Variants in ARHGAP31 observed in about 807,000 individuals in gnomAD.
ARHGAP31 encodes Rho GTPase activating protein 31, also known as rho GTPase-activating protein 31.
A neutral mutation model predicts 113.9 loss-of-function variants in ARHGAP31; 34 were observed. The observed-to-expected ratio is 0.30, with a 90% CI of 0.23 to 0.40. ARHGAP31 has a LOEUF of 0.40. Among genes scored for constraint, ARHGAP31 ranks in the 10% least tolerant of loss-of-function variants. ARHGAP31 has a pLI of 1.00. For missense variants in ARHGAP31, 1,548 were observed against 1,767.1 expected (o/e 0.88, Z 2.22); for synonymous variants, 650 against 684.8 (o/e 0.95, Z 0.79).
chr3:119,396,338 T>A (rs748895546), intron 8 of ARHGAP31, among the ~76,000 whole-genome samples: 2 of 152,220 alleles, frequency 1.3e-5, no homozygotes, highest in Non-Finnish European at 2.9e-5. Flanking sequence ...GATTCTGATA[T>A]GCAGTCAGTG....
At position 119,401,849 on chromosome 3, in the gene ARHGAP31, G is replaced by A; in HGVS notation, c.1097G>A (p.Arg366Gln). ...EGKETKGNFN[R>Q]TVTTGGFFIP... Reference sequence around the variant, plus strand: ...AAAGAAACCAAGGGAAATTTCAATCGAACAGTTACCACCGGTGGATTTTTC... The same window carrying A: ...AAAGAAACCAAGGGAAATTTCAATCAAACAGTTACCACCGGTGGATTTTTC... The change falls in exon 10 of 12, where the codon CGA becomes CAA. Residue 366 changes from arginine to glutamine, a missense_variant. Arg to Gln is a conservative substitution (Grantham distance 43). Transcript: ENST00000264245. The A allele has an allele frequency of 1.2e-6, 2 of 1,613,846 alleles. No homozygotes were observed. Among genetic ancestry groups the A allele is most frequent in the South Asian group, 1.1e-5 (1 of 90,990 alleles).
At chr3:119,315,582 A>C (rs1005404586) in intron 1 of ARHGAP31, among the ~76,000 whole-genome samples, 2 of 152,192 alleles carry the variant, frequency 1.3e-5, no homozygotes, top group African/African-American at 4.8e-5. Context: ...CCACCTCTTA[A>C]GGCCTCGCTA....
chr3:119,299,960 T>C (rs567632666), intron 1 of ARHGAP31, among the ~76,000 whole-genome samples: 2 of 152,242 alleles, frequency 1.3e-5, no homozygotes, highest in Non-Finnish European at 2.9e-5. Context: ...TGGCACATCG[T>C]GGTCACACCT....
chr3:119,309,794 C>T (rs764837237), intron 1 of ARHGAP31, among the ~76,000 whole-genome samples: 10 of 151,982 alleles, frequency 6.6e-5, no homozygotes, highest in Non-Finnish European at 1.2e-4. Context: ...CCACCAGCAC[C>T]ATGGAAAAGT....
intron 1 of ARHGAP31, among the ~76,000 whole-genome samples, chr3:119,333,176 G>A: frequency 6.6e-6 from 1 of 152,084 alleles, no homozygotes; most frequent in East Asian, 1.9e-4. Context: ...CCAGCATTCT[G>A]GGTTGAACCA....
intron 3 of ARHGAP31, among the ~76,000 whole-genome samples, 172 bp from the exon 4 acceptor site, chr3:119,380,732 A>G (rs970263672): frequency 6.6e-6 from 1 of 152,152 alleles, no homozygotes; most frequent in Non-Finnish European, 1.5e-5. Context: ...TCCAGAACCA[A>G]CAGAAACTGT....
At chr3:119,390,577 C>T (rs1478243829) in intron 6 of ARHGAP31, among the ~76,000 whole-genome samples, 2 of 152,202 alleles carry the variant, frequency 1.3e-5, no homozygotes, top group African/African-American at 4.8e-5. Flanking sequence ...TCCTGAAGCC[C>T]CTGTTTGTCC....
chr3:119,310,511 T>TTA (rs367556116), intron 1 of ARHGAP31, among the ~76,000 whole-genome samples: 5 of 152,168 alleles, frequency 3.3e-5, no homozygotes, highest in African/African-American at 1.2e-4. Context: ...CAAGAGAGCA[T>TTA]TACTGCCTGA....
chr3:119,363,868 G>A (rs1187855731), intron 1 of ARHGAP31, among the ~76,000 whole-genome samples: 1 of 152,174 alleles, frequency 6.6e-6, no homozygotes, highest in African/African-American at 2.4e-5. Flanking sequence ...CACTGTGGCA[G>A]CCTCGAGAAG....
At chr3:119,373,277 C>T (rs2080318006) in intron 3 of ARHGAP31, among the ~76,000 whole-genome samples, 1 of 151,682 alleles carries the variant, frequency 6.6e-6, no homozygotes. Flanking sequence ...TATAATACCT[C>T]AATAAACAAG....
chr3:119,344,973 G>A (rs1232126852), intron 1 of ARHGAP31, among the ~76,000 whole-genome samples: 1 of 150,336 alleles, frequency 6.7e-6, no homozygotes, highest in Admixed American at 6.6e-5. Flanking sequence ...TTGCTGGTGG[G>A]ATTTTTTTTT....
At chr3:119,321,800 C>T (rs529070899) in intron 1 of ARHGAP31, among the ~76,000 whole-genome samples, 2 of 152,162 alleles carry the variant, frequency 1.3e-5, no homozygotes, top group Non-Finnish European at 2.9e-5. Flanking sequence ...AGGCCCACAC[C>T]ACCACGCCCA....
chr3:119,359,407 T>C lies in ARHGAP31; in HGVS notation c.101-5909T>C, dbSNP rs145497018. On this transcript the variant is annotated intron_variant, in intron 1 of 11. Transcript: ENST00000264245. ...ACAAGCCAAAGCCTCAACATATTTT[T>C]AAATTTTTTTTCTTAGAAAATTAGA... Among the ~76,000 whole-genome samples, 142 of 152,218 alleles carry C rather than the reference T, an allele frequency of 9.3e-4. 1 individual carries two copies. Among genetic ancestry groups the C allele is most frequent in the Non-Finnish European group, 1.5e-3 (104 of 68,016 alleles).
At chr3:119,383,432 CT>C (rs1399124573) in intron 6 of ARHGAP31, among the ~76,000 whole-genome samples, 5 of 152,124 alleles carry the variant, frequency 3.3e-5, no homozygotes, top group African/African-American at 1.2e-4. Flanking sequence ...TTGCATGTGG[CT>C]TTAGCATGTT....
chr3:119,374,009 T>C (rs1037710580), intron 3 of ARHGAP31, among the ~76,000 whole-genome samples: 1 of 152,232 alleles, frequency 6.6e-6, no homozygotes, highest in African/African-American at 2.4e-5. Context: ...CAGTGAGAGA[T>C]GATTTAAATA....
At chr3:119,412,055 G>A (rs975499651) in intron 11 of ARHGAP31, among the ~76,000 whole-genome samples, 16 of 152,174 alleles carry the variant, frequency 1.1e-4, no homozygotes, top group Admixed American at 7.9e-4. Context: ...TTCGTCCCCC[G>A]GCTGCCTCGC....
intron 7 of ARHGAP31, among the ~76,000 whole-genome samples, chr3:119,392,808 C>T (rs566535304): frequency 3.3e-5 from 5 of 152,252 alleles, no homozygotes; most frequent in African/African-American, 7.2e-5. Context: ...TTTTCCAGGT[C>T]GGATTTCTCA....
chr3:119,370,380 C>T lies in ARHGAP31; in HGVS notation c.348+1864C>T, dbSNP rs560446601. On this transcript the variant is annotated intron_variant, in intron 3 of 11. Transcript: ENST00000264245. ...AGTTAACATGTTGTGGGTATTCTTT[C>T]CATAGTGTTTTTGTTGTGGTTTGTG... 1.6e-4 allele frequency among the ~76,000 whole-genome samples: 24 copies of T among 152,186 alleles called. No individual in the cohort carries two copies. The South Asian group carries it at 4.8e-3, about 30-fold the overall frequency.
chr3:119,330,644 C>T (rs570858727), intron 1 of ARHGAP31, among the ~76,000 whole-genome samples: 2 of 152,306 alleles, frequency 1.3e-5, no homozygotes, highest in African/African-American at 4.8e-5. Context: ...CCCTTGGAAT[C>T]CCAGCTTCCT....
Sources: allele counts gnomAD v4.1 joint callset (sites outside exome capture counted in the v4.1 genomes callset), GRCh38; gene constraint gnomAD v4.1.1; transcripts MANE v1.5; gene names NCBI Gene and HGNC (gene_info 2026-07-23, HGNC 2026-07-21).